The following SLC22A25 variants were observed in gnomAD, a reference collection of about 807,000 sequenced individuals.
SLC22A25 encodes the protein solute carrier family 22 member 25.
A neutral mutation model predicts 45.9 loss-of-function variants in SLC22A25; 44 were observed. That is an observed-to-expected ratio of 0.96 (90% CI 0.75 to 1.23). The LOEUF (loss-of-function observed/expected upper bound fraction) is 1.23. SLC22A25 is among the 50% of genes most tolerant of loss of function. The probability of loss-of-function intolerance (pLI) is 0.00; values close to 1 mark genes in which losing one functional copy is unlikely to be tolerated. For synonymous variants in SLC22A25, 283 were observed against 238.6 expected (o/e 1.19, Z -1.72); for missense variants, 800 against 666.4 (o/e 1.20, Z -2.21).
At chr11:63,234,550 T>C (rs1235386175) in intron 3 of SLC22A25, among the ~76,000 whole-genome samples, 1 of 152,208 alleles carries the variant, frequency 6.6e-6, no homozygotes, top group Non-Finnish European at 1.5e-5. Flanking sequence ...TGACATGGGT[T>C]TCCTGAATAC....
intron 5 of SLC22A25, among the ~76,000 whole-genome samples, chr11:63,221,935 A>C (rs1276549587): frequency 6.6e-6 from 1 of 151,972 alleles, no homozygotes; most frequent in East Asian, 1.9e-4. Context: ...TGATGAGTTC[A>C]CTGTAGATGT....
chr11:63,176,942 G>A (rs775002396), intron 9 of SLC22A25, among the ~76,000 whole-genome samples: 18 of 151,920 alleles, frequency 1.2e-4, no homozygotes, highest in Non-Finnish European at 1.9e-4. Context: ...CAGATCTAGT[G>A]TTGACAGATT....
chr11:63,202,745 C>T (rs762377750), intron 7 of SLC22A25, among the ~76,000 whole-genome samples: 5 of 152,228 alleles, frequency 3.3e-5, no homozygotes, highest in East Asian at 1.9e-4. Flanking sequence ...CAGACTTAAA[C>T]GTTCCTGCTT....
At chr11:63,223,507 T>G (rs1215388524) in intron 5 of SLC22A25, among the ~76,000 whole-genome samples, 1 of 152,092 alleles carries the variant, frequency 6.6e-6, no homozygotes, top group Non-Finnish European at 1.5e-5. Flanking sequence ...TACATAGGGT[T>G]TCTCTCTTTT....
chr11:63,219,192 A>C (rs964289383), intron 5 of SLC22A25, among the ~76,000 whole-genome samples: 4 of 152,322 alleles, frequency 2.6e-5, no homozygotes, highest in Middle Eastern at 6.8e-3. Flanking sequence ...TTTTCTATAA[A>C]CCATAAAATA....
intron 5 of SLC22A25, among the ~76,000 whole-genome samples, chr11:63,224,624 A>G (rs1003053770): frequency 6.6e-6 from 1 of 152,134 alleles, no homozygotes; most frequent in African/African-American, 2.4e-5. Context: ...TGAGGTTACC[A>G]TGAGGCCTAC....
chr11:63,203,832 G>A (rs977968658), intron 7 of SLC22A25, among the ~76,000 whole-genome samples: 9 of 152,078 alleles, frequency 5.9e-5, no homozygotes, highest in African/African-American at 2.2e-4. Flanking sequence ...TCCTCGAGAA[G>A]AGCAACCCCA....
At position 63,229,415 on chromosome 11, in the gene SLC22A25, C is replaced by G. The variant is rs753192911; in HGVS notation, c.238G>C (p.Asp80His). The change falls in exon 4 of 12, where the codon GAC (aspartate) becomes CAC (histidine). Residue 80 changes from aspartate to histidine, a missense_variant. By Grantham distance (81) the Asp-to-His change is moderately conservative (BLOSUM62 -1). Coordinates refer to ENST00000306494, the MANE Select transcript of SLC22A25 (RefSeq NM_199352.6). ...CACTTCTCTGGCCTCAGATTTGAGT[C>G]GAATGGGATGGAGATTCTCAGGAGG... is the stretch of plus-strand genomic sequence containing the variant. ...DALLRISIPF[D>H]SNLRPEKCRR... is the part of the protein sequence containing the mutation. The G allele has an allele frequency of 1.1e-5, 17 of 1,612,020 alleles. No homozygotes were observed. Among genetic ancestry groups the G allele is most frequent in the Non-Finnish European group, 1.4e-5 (17 of 1,178,220 alleles).
chr11:63,223,434 A>C lies in SLC22A25; in HGVS notation c.506+5027T>G, dbSNP rs538442023. On this transcript the variant is annotated intron_variant, in intron 5 of 11. Coordinates refer to ENST00000306494, the MANE Select transcript of SLC22A25 (RefSeq NM_199352.6). ...ACATAATTGCTAATAGTAGCCTCTA[A>C]TGACCCTTTGAATTTCTGTGGTATC... Among the ~76,000 whole-genome samples the C allele has an allele frequency of 5.3e-5, 8 of 152,156 alleles. No individual in the cohort carries two copies. In the East Asian group the frequency reaches 1.5e-3, roughly 29 times the overall value.
chr11:63,197,180 C>T (rs568040014), intron 7 of SLC22A25, among the ~76,000 whole-genome samples: 1 of 152,228 alleles, frequency 6.6e-6, no homozygotes, highest in East Asian at 1.9e-4. Context: ...GCCATACTGC[C>T]CAAGGTAATT....
At chr11:63,169,584 G>T (rs1250288726) in intron 9 of SLC22A25, among the ~76,000 whole-genome samples, 2 of 152,166 alleles carry the variant, frequency 1.3e-5, no homozygotes, top group Non-Finnish European at 2.9e-5. Context: ...ATTACATAAT[G>T]ATAAAGGAAT....
chr11:63,236,024 C>T (rs2090156482), intron 3 of SLC22A25, among the ~76,000 whole-genome samples: 1 of 152,086 alleles, frequency 6.6e-6, no homozygotes, highest in Non-Finnish European at 1.5e-5. Flanking sequence ...AGAGGAGTAC[C>T]CAGCTGTGTG....
rs1242938326 is a variant in SLC22A25 at position 63,159,432 on chromosome 11, C to T, written c.*4392G>A. On this transcript the variant is annotated 3_prime_UTR_variant, in exon 12 of 12. Transcript: ENST00000306494. ...TGATACTGAATAAGTTTCATGAGAT[C>T]TGAGGGTTTTATAAGGGGGAGTTTC... Among the ~76,000 whole-genome samples, 1 of 152,130 alleles carries T rather than the reference C, an allele frequency of 6.6e-6. No individual in the cohort carries two copies. The highest frequency in any genetic ancestry group is 1.5e-5 in the Non-Finnish European group (1 of 68,028).
Position 63,206,064 on chromosome 11 carries a change from G to A in SLC22A25, c.830+11250C>T, listed in dbSNP as rs375513488. 4.2e-3 allele frequency among the ~76,000 whole-genome samples: 632 copies of A among 152,148 alleles called. 6 individuals carry two copies. The highest frequency in any genetic ancestry group is 0.014 in the African/African-American group (575 of 41,500). ...TGATTATCTCAATAGATGCAGAAAA[G>A]GCCTTCAATAAAATTGAACACCACT... is the stretch of plus-strand genomic sequence containing the variant. On this transcript the variant is annotated intron_variant, in intron 7 of 11. Transcript: ENST00000306494.
At chr11:63,164,500 G>T in intron 11 of SLC22A25, 26 bp downstream of exon 11, 1 of 1,581,438 alleles carries the variant, frequency 6.3e-7, no homozygotes, top group South Asian at 1.1e-5. Flanking sequence ...TTTTGAGAAT[G>T]ACAGAGCACA....
chr11:63,184,462 G>C (rs751796907), intron 7 of SLC22A25, among the ~76,000 whole-genome samples: 11 of 152,062 alleles, frequency 7.2e-5, no homozygotes, highest in Non-Finnish European at 1.6e-4. Flanking sequence ...GACCAAATAG[G>C]CTTCCTCCAC....
chr11:63,186,556 C>T (rs1355231228), intron 7 of SLC22A25, among the ~76,000 whole-genome samples: 3 of 120,662 alleles, frequency 2.5e-5, no homozygotes, highest in African/African-American at 6.2e-5. Context: ...TAATTAGATT[C>T]CATTTGTCAA....
chr11:63,165,895 A>G, intron 10 of SLC22A25, 149 bp downstream of exon 10: 1 of 1,034,660 alleles, frequency 9.7e-7, no homozygotes, highest in Non-Finnish European at 1.4e-6. Flanking sequence ...CCGTGTGGCA[A>G]AATCTGTCCT....
At chr11:63,215,380 A>G (rs569465821) in intron 7 of SLC22A25, among the ~76,000 whole-genome samples, 5 of 152,260 alleles carry the variant, frequency 3.3e-5, no homozygotes, top group African/African-American at 9.6e-5. Flanking sequence ...GGAGTTGAAC[A>G]ATGAGGACAC....
Sources: allele counts gnomAD v4.1 joint callset (sites outside exome capture counted in the v4.1 genomes callset), GRCh38; gene constraint gnomAD v4.1.1; transcripts MANE v1.5; gene names NCBI Gene and HGNC (gene_info 2026-07-23, HGNC 2026-07-21).